The following DACT1 variants were observed in gnomAD, a reference collection of about 807,000 sequenced individuals.
DACT1 encodes the protein dishevelled binding antagonist of beta catenin 1.
Under a neutral mutation model 35.3 loss-of-function variants are expected in DACT1, and 19 were observed. That is an observed-to-expected ratio of 0.54 (90% CI 0.38 to 0.79). DACT1 has a LOEUF of 0.79. Among genes scored for constraint, DACT1 ranks in the 30% least tolerant of loss-of-function variants. DACT1 has a pLI of 0.00. For synonymous variants in DACT1, 545 were observed against 466.7 expected (o/e 1.17, Z -2.16); for missense variants, 1,143 against 1,057.5 (o/e 1.08, Z -1.12).
At position 58,646,897 on chromosome 14, in the gene DACT1, G is replaced by A; in HGVS notation, c.2163G>A (p.Glu721=). The change falls in exon 4 of 4, where the codon GAG becomes GAA. Residue 721 remains glutamate (E), a synonymous_variant. Transcript: ENST00000395153. ...NYTTNCFGDS[E]SSVSEGEFVG... Reference sequence around the variant, plus strand: ...CCACCAACTGCTTCGGGGACAGCGAGTCGAGTGTGAGCGAGGGCGAGTTCG... The same window carrying A: ...CCACCAACTGCTTCGGGGACAGCGAATCGAGTGTGAGCGAGGGCGAGTTCG... 1.2e-6 allele frequency: 2 copies of A among 1,614,208 alleles called. No homozygotes were observed. The highest frequency in any genetic ancestry group is 1.7e-6 in the Non-Finnish European group (2 of 1,180,050).
Position 58,646,623 on chromosome 14 carries a change from C to G in DACT1, c.1889C>G (p.Ala630Gly), listed in dbSNP as rs766338898. Residue 630 changes from alanine (A) to glycine (G), a missense_variant, in exon 4 of 4, where the codon GCC becomes GGC. By Grantham distance (60) the Ala-to-Gly change is moderately conservative. Coordinates refer to ENST00000395153, the MANE Select transcript of DACT1 (RefSeq NM_001079520.2). The part of the protein sequence containing the change: ...AHGHGREAVV[A>G]KPKHKRTDYR... ...GGCCACGGACGGGAGGCGGTGGTGG[C>G]CAAACCTAAGCACAAGCGAACTGAC... 2.5e-6 allele frequency: 4 copies of G among 1,608,448 alleles called. No individual in the cohort carries two copies. In the African/African-American group the frequency reaches 5.3e-5, roughly 22 times the overall value.
Position 58,645,780 on chromosome 14 carries a change from A to G in DACT1, c.1046A>G (p.Gln349Arg), listed in dbSNP as rs1405351271. ...VCVRAPGGVS[Q>R]GNSVNLKNSK... ...GTCAGAGCCCCGGGCGGTGTCTCAC[A>G]GGGCAACAGTGTGAACCTTAAGAAT... The change falls in exon 4 of 4, where the codon CAG (glutamine) becomes CGG (arginine). Residue 349 changes from glutamine to arginine, a missense_variant. By Grantham distance (43) the Gln-to-Arg change is conservative. Transcript: ENST00000395153. 2 of 1,614,258 alleles carry G rather than the reference A, an allele frequency of 1.2e-6. No homozygotes were observed. Among genetic ancestry groups the G allele is most frequent in the South Asian group, 1.1e-5 (1 of 91,088 alleles).
rs2047676436 is a variant in DACT1 at position 58,646,086 on chromosome 14, A to G, written c.1352A>G (p.Glu451Gly). 5 of 1,613,348 alleles carry G rather than the reference A, an allele frequency of 3.1e-6. No individual in the cohort carries two copies. Among genetic ancestry groups the G allele is most frequent in the Non-Finnish European group, 3.4e-6 (4 of 1,179,792 alleles). ...SAQLSGASPK[E>G]SPSRGPAPPQ... ...CAGCTCTCAGGGGCCTCTCCAAAAG[A>G]GAGTCCTAGCAGAGGCCCTGCCCCG... Residue 451 changes from glutamate (E) to glycine (G), a missense_variant, in exon 4 of 4, where the codon GAG becomes GGG. Around this residue, in one of 3 missense-constraint regions of DACT1, gnomAD observed 1,054 missense variants for 958.8 expected, o/e 1.10. Coordinates refer to ENST00000395153, the MANE Select transcript of DACT1 (RefSeq NM_001079520.2).
chr14:58,642,198 C>T (rs890188330), intron 3 of DACT1, among the ~76,000 whole-genome samples: 1 of 152,104 alleles, frequency 6.6e-6, no homozygotes, highest in Non-Finnish European at 1.5e-5. Context: ...CAAGACCAGC[C>T]TGGGTTGGCC....
At chr14:58,637,576 G>C (rs1017261513), upstream of DACT1, among the ~76,000 whole-genome samples, 1 of 152,316 alleles carries the variant, frequency 6.6e-6, no homozygotes, top group Admixed American at 6.5e-5. Context: ...GTTTCAGAAA[G>C]TTCTCCGGAG....
chr14:58,641,214 T>TC (rs969550997), intron 2 of DACT1, among the ~76,000 whole-genome samples: 1 of 151,548 alleles, frequency 6.6e-6, no homozygotes, highest in Non-Finnish European at 1.5e-5. Context: ...AAAAGTTTTT[T>TC]TTTTTTTTCT....
intron 1 of DACT1, chr14:58,638,751 G>A: frequency 8.4e-7 from 1 of 1,195,494 alleles, no homozygotes; most frequent in Non-Finnish European, 1.0e-6. Context: ...TTTCTGGCGT[G>A]TGCCCGCTTT....
At position 58,646,286 on chromosome 14, in the gene DACT1, G is replaced by A; in HGVS notation, c.1552G>A (p.Val518Ile). The A allele has an allele frequency of 3.7e-6, 6 of 1,612,528 alleles. No individual in the cohort carries two copies. In the South Asian group the frequency reaches 5.5e-5, roughly 15 times the overall value. ...SSQSLEEAHL[V>I]KAQFIPGQQP... ...CCAAAGCCTGGAGGAAGCGCACCTG[G>A]TCAAGGCCCAGTTTATCCCGGGGCA... Residue 518 changes from valine to isoleucine, a missense_variant, in exon 4 of 4, where the codon GTC becomes ATC. By Grantham distance (29) the Val-to-Ile change is conservative. Coordinates refer to ENST00000395153, the MANE Select transcript of DACT1 (RefSeq NM_001079520.2).
At position 58,645,935 on chromosome 14, in the gene DACT1, G is replaced by C; in HGVS notation, c.1201G>C (p.Gly401Arg). The part of the protein sequence containing the change: ...AESKRVPLPE[G>R]CPSGAASDLQ... ...AAGCAAGAGGGTGCCCCTGCCAGAGGGCTGCCCCTCAGGCGCTGCCTCCGA... is the reference window on the plus strand; with the variant it reads ...AAGCAAGAGGGTGCCCCTGCCAGAGCGCTGCCCCTCAGGCGCTGCCTCCGA... Residue 401 changes from glycine (G) to arginine (R), a missense_variant, in exon 4 of 4, where the codon GGC becomes CGC. This residue lies in a region of DACT1 where 1,054 missense variants were observed against 958.8 expected (regional missense o/e 1.10). Coordinates refer to ENST00000395153, the MANE Select transcript of DACT1 (RefSeq NM_001079520.2). 1.2e-6 allele frequency: 2 copies of C among 1,614,022 alleles called. No individual in the cohort carries two copies. The highest frequency in any genetic ancestry group is 1.7e-6 in the Non-Finnish European group (2 of 1,180,026).
rs762162403 is a variant in DACT1 at position 58,646,614 on chromosome 14, C to T, written c.1880C>T (p.Ala627Val). ...AGGGCGCATGGCCACGGACGGGAGG[C>T]GGTGGTGGCCAAACCTAAGCACAAG... ...GSRAHGHGRE[A>V]VVAKPKHKRT... Residue 627 changes from alanine to valine, a missense_variant, in exon 4 of 4, where the codon GCG becomes GTG. By Grantham distance (64) the Ala-to-Val change is moderately conservative. This residue lies in a region of DACT1 where 1,054 missense variants were observed against 958.8 expected (regional missense o/e 1.10). Coordinates refer to ENST00000395153, the MANE Select transcript of DACT1 (RefSeq NM_001079520.2). 6.9e-6 allele frequency: 11 copies of T among 1,603,980 alleles called. No individual in the cohort carries two copies. In the African/African-American group the frequency reaches 9.4e-5, roughly 14 times the overall value.
chr14:58,645,898 C>A lies in DACT1; in HGVS notation c.1164C>A (p.Ala388=), dbSNP rs770682231. 1 of 1,614,080 alleles carries A rather than the reference C, an allele frequency of 6.2e-7. No homozygotes were observed. The highest frequency in any genetic ancestry group is 8.5e-7 in the Non-Finnish European group (1 of 1,180,040). The change falls in exon 4 of 4, where the codon GCC becomes GCA. Residue 388 remains alanine (A), a synonymous_variant. Transcript: ENST00000395153. ...PPKQWSKESK[A]EQAESKRVPL... is the part of the protein sequence containing the mutation. ...AGCAGTGGTCGAAAGAATCAAAGGC[C>A]GAACAAGCCGAAAGCAAGAGGGTGC... is the stretch of plus-strand genomic sequence containing the variant.
rs761161847 is a variant in DACT1 at position 58,646,779 on chromosome 14, A to G, written c.2045A>G (p.Tyr682Cys). Residue 682 changes from tyrosine to cysteine, a missense_variant, in exon 4 of 4, where the codon TAC becomes TGC. Physicochemically the swap from Tyr to Cys is radical, Grantham distance 194. Transcript: ENST00000395153. ...VPLPYASPYAYVASDSEYSAE... is the reference protein window; with the variant it reads ...VPLPYASPYACVASDSEYSAE... The stretch of plus-strand genomic sequence containing the variant: ...CTGCCCTACGCCAGCCCCTACGCCT[A>G]CGTGGCTAGCGACTCCGAGTACTCG... 1.1e-5 allele frequency: 17 copies of G among 1,614,026 alleles called. No homozygotes were observed. The highest frequency in any genetic ancestry group is 2.2e-5 in the East Asian group (1 of 44,874).
In DACT1 at chr14:58,647,150, T is replaced by C; in HGVS notation, c.*16T>C. ...GACGGTTTGAGTGACATCATTGGTG[T>C]AGAAAGTTTGTGTGTTTTTTTTTCT... is the stretch of plus-strand genomic sequence containing the variant. On this transcript the variant is annotated 3_prime_UTR_variant, in exon 4 of 4. Transcript: ENST00000395153. 1.3e-6 allele frequency: 2 copies of C among 1,596,942 alleles called. No individual in the cohort carries two copies. Among genetic ancestry groups the C allele is most frequent in the Non-Finnish European group, 8.5e-7 (1 of 1,175,906 alleles).
rs949087018 is a variant in DACT1, at chr14:58,647,923, A to G, written c.*789A>G. 2 of 167,092 alleles carry G rather than the reference A, an allele frequency of 1.2e-5. No individual in the cohort carries two copies. Among genetic ancestry groups the G allele is most frequent in the African/African-American group, 4.8e-5 (2 of 41,448 alleles). The allele number at this position is 167,092 out of a possible 1,614,324, so 10.4% of individuals were successfully genotyped here. On this transcript the variant is annotated 3_prime_UTR_variant, in exon 4 of 4. Coordinates refer to ENST00000395153, the MANE Select transcript of DACT1 (RefSeq NM_001079520.2). ...ATAAAATTTTGGTCCTTGGGCACAG[A>G]GACATTCACTATTAATGAAGTAACC...
Position 58,647,321 on chromosome 14 carries a change from G to T in DACT1, c.*187G>T. 1 of 698,084 alleles carries T rather than the reference G, an allele frequency of 1.4e-6. No homozygotes were observed. The highest frequency in any genetic ancestry group is 2.4e-6 in the Non-Finnish European group (1 of 425,046). The allele number at this position is 698,084 out of a possible 1,614,324, so 43.2% of individuals were successfully genotyped here. Reference sequence around the variant, plus strand: ...GCTAGTGCCTTTAATGGAAGGTAAAGAATGTTTTGCTAGTTAGAAGTACAT... The same window carrying T: ...GCTAGTGCCTTTAATGGAAGGTAAATAATGTTTTGCTAGTTAGAAGTACAT... On this transcript the variant is annotated 3_prime_UTR_variant, in exon 4 of 4. Coordinates refer to ENST00000395153, the MANE Select transcript of DACT1 (RefSeq NM_001079520.2).
In DACT1 at chr14:58,646,203, C is replaced by T. The variant is rs2047678803; in HGVS notation, c.1469C>T (p.Ser490Phe). The change falls in exon 4 of 4, where the codon TCT (serine) becomes TTT (phenylalanine). Residue 490 changes from serine (S) to phenylalanine (F), a missense_variant. This residue lies in a region of DACT1 where 1,054 missense variants were observed against 958.8 expected (regional missense o/e 1.10). Coordinates refer to ENST00000395153, the MANE Select transcript of DACT1 (RefSeq NM_001079520.2). The part of the protein sequence containing the change: ...GVPPATPPLL[S>F]TAFPVEERPA... ...CCCCCGGCCACTCCTCCCCTGCTGTCTACAGCTTTCCCCGTGGAAGAGAGG... is the reference window on the plus strand; with the variant it reads ...CCCCCGGCCACTCCTCCCCTGCTGTTTACAGCTTTCCCCGTGGAAGAGAGG... The T allele has an allele frequency of 6.2e-7, 1 of 1,613,778 alleles. No homozygotes were observed. Among genetic ancestry groups the T allele is most frequent in the East Asian group, 2.2e-5 (1 of 44,878 alleles).
In DACT1 at chr14:58,645,870, C is replaced by A; in HGVS notation, c.1136C>A (p.Pro379Gln). 4 of 1,614,240 alleles carry A rather than the reference C, an allele frequency of 2.5e-6. No individual in the cohort carries two copies. Among genetic ancestry groups the A allele is most frequent in the Non-Finnish European group, 3.4e-6 (4 of 1,180,052 alleles). ...PSLNNGTFSP[P>Q]KQWSKESKAE... Reference sequence around the variant, plus strand: ...CTGAACAATGGGACATTCTCCCCACCGAAGCAGTGGTCGAAAGAATCAAAG... The same window carrying A: ...CTGAACAATGGGACATTCTCCCCACAGAAGCAGTGGTCGAAAGAATCAAAG... The change falls in exon 4 of 4, where the codon CCG becomes CAG. Residue 379 changes from proline (P) to glutamine (Q), a missense_variant. Around this residue, in one of 3 missense-constraint regions of DACT1, gnomAD observed 1,054 missense variants for 958.8 expected, o/e 1.10. Transcript: ENST00000395153.
chr14:58,642,136 A>G (rs1053465936), intron 3 of DACT1, among the ~76,000 whole-genome samples: 1 of 152,176 alleles, frequency 6.6e-6, no homozygotes, highest in Non-Finnish European at 1.5e-5. Flanking sequence ...CACACCTGTA[A>G]TCCCAGCACT....
chr14:58,638,102 C>G lies in DACT1; in HGVS notation c.-101C>G, dbSNP rs898122678. 31 of 1,165,390 alleles carry G rather than the reference C, an allele frequency of 2.7e-5. No individual in the cohort carries two copies. Among genetic ancestry groups the G allele is most frequent in the African/African-American group, 4.8e-5 (3 of 62,222 alleles). 72.2% of individuals were successfully genotyped at this position (1,165,390 alleles called of 1,614,324 possible). On this transcript the variant is annotated 5_prime_UTR_variant, in exon 1 of 4. Transcript: ENST00000395153. ...TCCCCGCCAGCGCCGCGCCCCGCCA[C>G]AGGGCGGCATGAGCCCACCCGCGGC... is the stretch of plus-strand genomic sequence containing the variant.
Sources: gnomAD v4.1 joint callset for allele counts (sites outside exome capture counted in the v4.1 genomes callset) on GRCh38, gnomAD v4.1.1 for gene constraint, gnomAD v4.1.1 regional missense constraint, MANE v1.5 for transcripts, NCBI Gene and HGNC (gene_info 2026-07-23, HGNC 2026-07-21) for gene names.